The following SASH1 variants were observed in gnomAD, a reference collection of about 807,000 sequenced individuals.
SASH1 encodes the protein SAM and SH3 domain containing 1.
In SASH1, 44 loss-of-function variants were observed where a neutral mutation model predicts 125.2. The ratio of observed to expected loss-of-function variants is 0.35; its 90% CI spans 0.28 to 0.45. The LOEUF is 0.45. Among genes scored for constraint, SASH1 ranks in the 20% least tolerant of loss-of-function variants. The probability of loss-of-function intolerance (pLI) is 1.00; values close to 1 mark genes in which losing one functional copy is unlikely to be tolerated. For missense variants in SASH1, 1,426 were observed against 1,614.5 expected (o/e 0.88, Z 2.00); for synonymous variants, 639 against 649.1 (o/e 0.98, Z 0.24).
chr6:148,272,782 C>A (rs1001390678), intron 1 of SASH1, among the ~76,000 whole-genome samples: 1 of 152,086 alleles, frequency 6.6e-6, no homozygotes, highest in East Asian at 1.9e-4. Context: ...AAGGATGTAA[C>A]GATGTATTTC....
intron 8 of SASH1, among the ~76,000 whole-genome samples, chr6:148,511,118 GC>G (rs1562469773): frequency 6.6e-6 from 1 of 152,052 alleles, no homozygotes; most frequent in Non-Finnish European, 1.5e-5. Flanking sequence ...TAGAAGAAAT[GC>G]AAGCCTTTTA....
At position 148,503,440 on chromosome 6, in the gene SASH1, G is replaced by A. The variant is rs192190384; in HGVS notation, c.730-10884G>A. 6.6e-5 allele frequency among the ~76,000 whole-genome samples: 10 copies of A among 152,280 alleles called. No homozygotes were observed. The East Asian group carries it at 1.7e-3, about 26-fold the overall frequency. On this transcript the variant is annotated intron_variant, in intron 8 of 19. Transcript: ENST00000367467. ...GGGACCATGATATCAGTAAATTATG[G>A]TATACTTTGATGGCTAAATACTACT...
chr6:148,544,312 C>T lies in SASH1; in HGVS notation c.2842C>T (p.Leu948=), dbSNP rs1486176623. The part of the protein sequence containing the change: ...GAKHGLARTP[L]EGHRKGHEFE... The stretch of plus-strand genomic sequence containing the variant: ...TAAACACGGTTTAGCAAGGACGCCT[C>T]TGGAGGGCCACAGAAAAGGACACGA... Residue 948 remains leucine, a synonymous_variant, in exon 18 of 20, where the codon CTG becomes TTG. Coordinates refer to ENST00000367467, the MANE Select transcript of SASH1 (RefSeq NM_015278.5). This position sits in a 1 kb window ranked among gnomAD's most constrained non-coding sequence, Gnocchi z 6.4. 1.2e-6 allele frequency: 2 copies of T among 1,614,068 alleles called. No individual in the cohort carries two copies. Among genetic ancestry groups the T allele is most frequent in the Admixed American group, 1.7e-5 (1 of 60,012 alleles).
intron 4 of SASH1, among the ~76,000 whole-genome samples, chr6:148,451,082 C>G (rs1343807612): frequency 6.6e-6 from 1 of 152,214 alleles, no homozygotes; most frequent in African/African-American, 2.4e-5. Flanking sequence ...TCCCTAATCC[C>G]AGAAGAACCA....
intron 1 of SASH1, among the ~76,000 whole-genome samples, chr6:148,315,383 T>C (rs1780453754): frequency 6.6e-6 from 1 of 152,206 alleles, no homozygotes; most frequent in South Asian, 2.1e-4. Context: ...ATTTAATAAC[T>C]AAGAAAGTGA....
chr6:148,421,118 A>G (rs1488972054), intron 2 of SASH1, among the ~76,000 whole-genome samples: 2 of 80,638 alleles, frequency 2.5e-5, no homozygotes, highest in African/African-American at 8.5e-5. Context: ...AAAGGAAAAG[A>G]AAGGAAGAAA....
chr6:148,290,811 A>G (rs1341316858), intron 1 of SASH1, among the ~76,000 whole-genome samples: 40 of 148,704 alleles, frequency 2.7e-4, no homozygotes, highest in African/African-American at 9.9e-4. Flanking sequence ...TCCCTCCACT[A>G]TTGTCCTATG....
At chr6:148,256,487 T>C in the SASH1 span, among the ~76,000 whole-genome samples, 2 of 152,226 alleles carry the variant, frequency 1.3e-5, no homozygotes, top group Non-Finnish European at 2.9e-5. Context: ...TGGTAGACTT[T>C]GATGAATGCA....
At chr6:148,434,155 C>T (rs1396238447) in intron 2 of SASH1, among the ~76,000 whole-genome samples, 1 of 141,546 alleles carries the variant, frequency 7.1e-6, no homozygotes, top group African/African-American at 2.6e-5. Context: ...TGGCTCACTG[C>T]AAGCTCTGCC....
intron 1 of SASH1, among the ~76,000 whole-genome samples, chr6:148,368,770 G>GCCACA (rs1554245330): frequency 7.4e-6 from 1 of 135,644 alleles, no homozygotes; most frequent in Non-Finnish European, 1.6e-5. Context: ...GCACGCGCGC[G>GCCACA]CACACACACA....
chr6:148,366,901 G>T (rs1156332775), intron 1 of SASH1, among the ~76,000 whole-genome samples: 2 of 150,380 alleles, frequency 1.3e-5, no homozygotes, highest in Non-Finnish European at 3.0e-5. Context: ...ATTTGGATAC[G>T]CTTCTGCAAG....
chr6:148,477,472 T>C (rs1778414723), intron 7 of SASH1, among the ~76,000 whole-genome samples: 1 of 152,116 alleles, frequency 6.6e-6, no homozygotes, highest in African/African-American at 2.4e-5. Flanking sequence ...TGCTCAACAT[T>C]ATTGGTCATC....
At chr6:148,238,625 TACACAC>T in the SASH1 span, among the ~76,000 whole-genome samples, 49,271 of 149,364 alleles carry the variant, frequency 0.33, 8,094 homozygotes, top group Middle Eastern at 0.39. Flanking sequence ...TACACACACA[TACACAC>T]ACACACACAC....
intron 2 of SASH1, among the ~76,000 whole-genome samples, chr6:148,413,979 G>T (rs1022728565): frequency 6.6e-6 from 1 of 151,960 alleles, no homozygotes; most frequent in African/African-American, 2.4e-5. Context: ...AATGGTAACC[G>T]TCCCTCTTTG....
chr6:148,256,767 G>A, the SASH1 span, among the ~76,000 whole-genome samples: 1 of 152,150 alleles, frequency 6.6e-6, no homozygotes, highest in African/African-American at 2.4e-5. Context: ...ATTATGGTAT[G>A]ACTATGCATT....
At chr6:148,269,949 ATGATC>A (rs1229443307), upstream of SASH1, among the ~76,000 whole-genome samples, 4 of 152,210 alleles carry the variant, frequency 2.6e-5, no homozygotes, top group African/African-American at 9.6e-5. Flanking sequence ...AAGTGTGAAA[ATGATC>A]ATCTCCCAGT....
intron 4 of SASH1, among the ~76,000 whole-genome samples, chr6:148,458,420 C>T (rs1777457876): frequency 1.3e-5 from 2 of 152,074 alleles, no homozygotes; most frequent in South Asian, 2.1e-4. Flanking sequence ...CAAACAAACT[C>T]GGGACTCTGT....
intron 1 of SASH1, among the ~76,000 whole-genome samples, chr6:148,358,462 G>A (rs1448232595): frequency 6.6e-6 from 1 of 152,116 alleles, no homozygotes; most frequent in Non-Finnish European, 1.5e-5. Flanking sequence ...ATGAATGAGG[G>A]GAGGGAATAG....
At chr6:148,528,967 A>G (rs1781351720) in intron 12 of SASH1, among the ~76,000 whole-genome samples, 1 of 152,158 alleles carries the variant, frequency 6.6e-6, no homozygotes, top group African/African-American at 2.4e-5. Flanking sequence ...ATCATCAGGC[A>G]TTAGATTCTC....
Sources: allele counts gnomAD v4.1 joint callset (sites outside exome capture counted in the v4.1 genomes callset), GRCh38; gene constraint gnomAD v4.1.1; non-coding constraint Gnocchi (gnomAD v3.1); transcripts MANE v1.5; gene names NCBI Gene and HGNC (gene_info 2026-07-23, HGNC 2026-07-21).